The following EPHB1 variants were observed in gnomAD, a reference collection of about 807,000 sequenced individuals.
EPHB1 encodes the protein ephrin type-B receptor 1.
A neutral mutation model predicts 94.4 loss-of-function variants in EPHB1; 30 were observed. The observed-to-expected ratio is 0.32, with a 90% CI of 0.24 to 0.43. The LOEUF (loss-of-function observed/expected upper bound fraction) is 0.43, where lower values mean the gene tolerates loss of function less well. Among genes scored for constraint, EPHB1 ranks in the 20% least tolerant of loss-of-function variants. EPHB1 has a pLI of 1.00. For synonymous variants in EPHB1, 522 were observed against 489.1 expected (o/e 1.07, Z -0.89); for missense variants, 1,055 against 1,308.3 (o/e 0.81, Z 2.99).
intron 3 of EPHB1, among the ~76,000 whole-genome samples, chr3:135,037,561 G>A (rs1936686515): frequency 6.6e-6 from 1 of 152,204 alleles, no homozygotes; most frequent in South Asian, 2.1e-4. Context: ...GGTCCAGAGA[G>A]TTTAGGTGAC....
intron 3 of EPHB1, among the ~76,000 whole-genome samples, chr3:135,094,154 A>G (rs183744295): frequency 6.6e-6 from 1 of 152,340 alleles, no homozygotes; most frequent in East Asian, 1.9e-4. Context: ...CTACTTCTCC[A>G]TCAAGCCCTG....
At chr3:134,891,548 T>G (rs2107685523) in intron 1 of EPHB1, among the ~76,000 whole-genome samples, 2 of 152,380 alleles carry the variant, frequency 1.3e-5, no homozygotes, top group South Asian at 4.1e-4. Context: ...AGAATGGGTG[T>G]TAAATACTAT....
intron 3 of EPHB1, among the ~76,000 whole-genome samples, chr3:134,983,736 G>A (rs1230909492): frequency 6.6e-6 from 1 of 152,256 alleles, no homozygotes; most frequent in Admixed American, 6.5e-5. Flanking sequence ...TGTGAGGGGT[G>A]CTGGCTTTCT....
intron 15 of EPHB1, among the ~76,000 whole-genome samples, chr3:135,254,801 C>G (rs1933299260): frequency 6.6e-6 from 1 of 152,100 alleles, no homozygotes; most frequent in African/African-American, 2.4e-5. Flanking sequence ...GTACCAATTC[C>G]TCCTTGTACC....
chr3:134,895,107 G>C (rs1398089436), intron 1 of EPHB1, among the ~76,000 whole-genome samples: 25 of 152,166 alleles, frequency 1.6e-4, no homozygotes, highest in Non-Finnish European at 4.4e-5. Flanking sequence ...CAGTTTAAAA[G>C]ATGTGATTTA....
chr3:134,880,454 T>G (rs2037709261), intron 1 of EPHB1, among the ~76,000 whole-genome samples: 1 of 152,192 alleles, frequency 6.6e-6, no homozygotes, highest in African/African-American at 2.4e-5. Context: ...TCTTTCCTCC[T>G]TTGTCCATTC....
intron 12 of EPHB1, among the ~76,000 whole-genome samples, chr3:135,238,271 A>AG (rs1405672452): frequency 1.2e-4 from 18 of 152,246 alleles, no homozygotes; most frequent in Non-Finnish European, 7.4e-5. Context: ...TCAGCTGAGC[A>AG]GGAGAGCCTG....
intron 1 of EPHB1, among the ~76,000 whole-genome samples, chr3:134,917,337 A>G (rs1453384016): frequency 2.6e-5 from 4 of 152,236 alleles, no homozygotes; most frequent in Admixed American, 2.0e-4. Flanking sequence ...AGCTCCGTAC[A>G]TTGAAAAGAC....
chr3:135,254,052 TA>T (rs1933251880), intron 15 of EPHB1, among the ~76,000 whole-genome samples: 1 of 105,590 alleles, frequency 9.5e-6, no homozygotes, highest in East Asian at 2.8e-4. Context: ...GTGATTTTTG[TA>T]CATTGATTTT....
At chr3:134,839,985 A>G (rs2036746685) in intron 1 of EPHB1, among the ~76,000 whole-genome samples, 1 of 152,220 alleles carries the variant, frequency 6.6e-6, no homozygotes, top group African/African-American at 2.4e-5. Context: ...GGACAGGAGT[A>G]GGGAGCTAGC....
At chr3:134,878,644 T>G (rs533192042) in intron 1 of EPHB1, among the ~76,000 whole-genome samples, 148 of 152,356 alleles carry the variant, frequency 9.7e-4, no homozygotes, top group African/African-American at 3.4e-3. Context: ...ATAGACAATT[T>G]TATCAATCAG....
At chr3:134,931,558 G>A (rs773264854) in intron 2 of EPHB1, among the ~76,000 whole-genome samples, 2 of 152,208 alleles carry the variant, frequency 1.3e-5, no homozygotes, top group Non-Finnish European at 2.9e-5. Context: ...CACCTTCAGG[G>A]CCTGTGATAC....
In EPHB1 at chr3:134,975,565, C is replaced by A. The variant is rs114754455; in HGVS notation, c.805+23513C>A. Among the ~76,000 whole-genome samples, 574 of 152,256 alleles carry A rather than the reference C, an allele frequency of 3.8e-3. 3 individuals are homozygous for A. The highest frequency in any genetic ancestry group is 9.1e-3 in the Admixed American group (139 of 15,296). On this transcript the variant is annotated intron_variant, in intron 3 of 15. Coordinates refer to ENST00000398015, the MANE Select transcript of EPHB1 (RefSeq NM_004441.5). ...CCTCATGCAACACATACTGACCCAACACCCAGCACCAATGTACTGCCTGGT... is the reference window on the plus strand; with the variant it reads ...CCTCATGCAACACATACTGACCCAAAACCCAGCACCAATGTACTGCCTGGT...
chr3:134,900,813 T>C (rs2038183879), intron 1 of EPHB1, among the ~76,000 whole-genome samples: 1 of 152,214 alleles, frequency 6.6e-6, no homozygotes, highest in African/African-American at 2.4e-5. Flanking sequence ...TGGATGTAGT[T>C]GTGAGAGGCA....
chr3:134,877,848 G>A (rs993561115), intron 1 of EPHB1, among the ~76,000 whole-genome samples: 2 of 152,178 alleles, frequency 1.3e-5, no homozygotes, highest in African/African-American at 4.8e-5. Flanking sequence ...TCACCCCAAG[G>A]CAGTGAGTCA....
chr3:135,109,359 G>A (rs67070409), intron 4 of EPHB1, among the ~76,000 whole-genome samples: 39,235 of 152,142 alleles, frequency 0.26, 5,571 homozygotes, highest in Non-Finnish European at 0.33. Context: ...CTTACATTCT[G>A]TCATTTTATT....
intron 2 of EPHB1, among the ~76,000 whole-genome samples, chr3:134,945,922 A>T (rs1019835944): frequency 3.9e-5 from 6 of 152,242 alleles, no homozygotes; most frequent in Non-Finnish European, 8.8e-5. Flanking sequence ...TGCATGCAAG[A>T]CTGGTAAAAT....
chr3:135,095,480 C>T (rs551631166), intron 3 of EPHB1, among the ~76,000 whole-genome samples: 106 of 152,238 alleles, frequency 7.0e-4, no homozygotes, highest in Non-Finnish European at 1.2e-3. Flanking sequence ...GTAAATGTCC[C>T]CACTCCTCCA....
At chr3:135,193,906 C>T (rs941072520) in intron 11 of EPHB1, among the ~76,000 whole-genome samples, 1 of 152,186 alleles carries the variant, frequency 6.6e-6, no homozygotes. Flanking sequence ...TTGGGAGGGA[C>T]ACCTCTGATC....
Sources: gnomAD v4.1 joint callset for allele counts (sites outside exome capture counted in the v4.1 genomes callset) on GRCh38, gnomAD v4.1.1 for gene constraint, MANE v1.5 for transcripts, NCBI Gene and HGNC (gene_info 2026-07-23, HGNC 2026-07-21) for gene names.